Variants in NCOR2 observed in about 807,000 individuals in gnomAD.
NCOR2 encodes the protein CTG repeat protein 26.
Under a neutral mutation model 262.9 loss-of-function variants are expected in NCOR2, and 81 were observed. That is an observed-to-expected ratio of 0.31 (90% CI 0.26 to 0.37). The LOEUF (loss-of-function observed/expected upper bound fraction) is 0.37, where lower values mean the gene tolerates loss of function less well. NCOR2 is among the 10% of genes least tolerant of loss of function. NCOR2 has a pLI of 1.00. For synonymous variants in NCOR2, 1,659 were observed against 1,559.3 expected (o/e 1.06, Z -1.51); for missense variants, 3,385 against 3,621.4 (o/e 0.93, Z 1.68).
chr12:124,525,530 G>A (rs986171460), intron 1 of NCOR2, among the ~76,000 whole-genome samples: 1 of 152,226 alleles, frequency 6.6e-6, no homozygotes. Flanking sequence ...GGAGGAGGCC[G>A]TGGGGACACC....
intron 17 of NCOR2, among the ~76,000 whole-genome samples, chr12:124,380,410 G>A (rs1212027605): frequency 6.6e-6 from 1 of 152,210 alleles, no homozygotes; most frequent in Non-Finnish European, 1.5e-5. Context: ...CCAACAGTCG[G>A]CCAGAGGGCC....
At chr12:124,376,247 C>A (rs2039982650) in intron 18 of NCOR2, among the ~76,000 whole-genome samples, 2 of 152,222 alleles carry the variant, frequency 1.3e-5, no homozygotes, top group South Asian at 2.1e-4. Context: ...CCTCCCCCAC[C>A]CAGCAGAGCA....
At chr12:124,509,187 C>G (rs1246834922) in intron 1 of NCOR2, among the ~76,000 whole-genome samples, 1 of 138,052 alleles carries the variant, frequency 7.2e-6, no homozygotes, top group Non-Finnish European at 1.5e-5. Flanking sequence ...GTCCTGGGGT[C>G]TCAGGGAGGC....
intron 16 of NCOR2, chr12:124,388,877 G>C (rs899285609): frequency 1.3e-5 from 12 of 919,802 alleles, no homozygotes; most frequent in Middle Eastern, 4.6e-4. Flanking sequence ...AGGGAGGGAG[G>C]GAGGGAGGGA....
intron 1 of NCOR2, among the ~76,000 whole-genome samples, chr12:124,522,290 T>C (rs951634037): frequency 6.6e-6 from 1 of 152,252 alleles, no homozygotes; most frequent in African/African-American, 2.4e-5. Flanking sequence ...TGTATTCGTT[T>C]CCTGTGGCTG....
intron 21 of NCOR2, among the ~76,000 whole-genome samples, chr12:124,362,764 G>C (rs1383336307): frequency 6.6e-6 from 1 of 150,780 alleles, no homozygotes; most frequent in South Asian, 2.1e-4. Context: ...TGGTGCACAG[G>C]GGGAGCTCAC....
chr12:124,489,072 A>G (rs2047935200), intron 1 of NCOR2, among the ~76,000 whole-genome samples: 1 of 151,966 alleles, frequency 6.6e-6, no homozygotes, highest in Non-Finnish European at 1.5e-5. Flanking sequence ...GGTTGAGCCC[A>G]GGGACTCCCC....
rs1009383560 is a variant in NCOR2, at chr12:124,549,335, G to A, written c.-164-13724C>T. 6.6e-6 allele frequency among the ~76,000 whole-genome samples: 1 copy of A among 152,312 alleles called. No homozygotes were observed. The highest frequency in any genetic ancestry group is 1.5e-5 in the Non-Finnish European group (1 of 68,028). On this transcript the variant is annotated intron_variant, in intron 1 of 32. Transcript: ENST00000458234. The surrounding 1 kb of genome is among the most constrained non-coding windows in gnomAD (Gnocchi z 4.4). ...TCCCACACTCCCCGCTTGGCCGGGT[G>A]GCCCACTGCCCGTCTGGCTTTCGAG...
At chr12:124,469,666 T>TCAG (rs888637019) in intron 4 of NCOR2, among the ~76,000 whole-genome samples, 20 of 152,296 alleles carry the variant, frequency 1.3e-4, no homozygotes, top group African/African-American at 3.4e-4. Context: ...CTCCCTGACC[T>TCAG]CAGTGTCTAC....
At chr12:124,445,427 G>A (rs1028338695) in intron 7 of NCOR2, among the ~76,000 whole-genome samples, 19 of 152,194 alleles carry the variant, frequency 1.2e-4, no homozygotes, top group South Asian at 4.1e-4. Context: ...CGGCGGAGGC[G>A]GCTACGGGCG....
chr12:124,371,892 C>A (rs1200386191), intron 20 of NCOR2, 130 bp downstream of exon 22: 8 of 926,366 alleles, frequency 8.6e-6, no homozygotes, highest in Admixed American at 3.1e-5. Context: ...TCCAAGTCTG[C>A]CTCCCTAACC....
intron 6 of NCOR2, among the ~76,000 whole-genome samples, chr12:124,453,753 G>T (rs899265670): frequency 2.0e-5 from 3 of 152,230 alleles, no homozygotes; most frequent in African/African-American, 7.2e-5. Context: ...GAGAGGTCGG[G>T]GCTGCTGGGC....
At chr12:124,374,109 G>C (rs960836816) in intron 19 of NCOR2, among the ~76,000 whole-genome samples, 3 of 152,164 alleles carry the variant, frequency 2.0e-5, no homozygotes, top group African/African-American at 4.8e-5. Flanking sequence ...CTGTAAAATG[G>C]GGATACTTGA....
At chr12:124,395,950 C>T (rs376543975) in intron 16 of NCOR2, among the ~76,000 whole-genome samples, 1 of 152,204 alleles carries the variant, frequency 6.6e-6, no homozygotes, top group East Asian at 1.9e-4. Context: ...AAACAACCCA[C>T]ACATCCCCCA....
intron 7 of NCOR2, among the ~76,000 whole-genome samples, chr12:124,441,995 C>T (rs1404126753): frequency 6.6e-6 from 1 of 152,188 alleles, no homozygotes; most frequent in East Asian, 1.9e-4. Flanking sequence ...TAAAGAGACA[C>T]GAGCACAAAT....
At chr12:124,362,448 T>C in intron 21 of NCOR2, 151 bp from the exon 24 acceptor site, 1 of 755,442 alleles carries the variant, frequency 1.3e-6, no homozygotes, top group African/African-American at 1.8e-5. Flanking sequence ...AAGGGAGGTC[T>C]TAGCACAGAG....
chr12:124,479,474 C>T (rs1457908725), intron 3 of NCOR2, among the ~76,000 whole-genome samples: 2 of 141,284 alleles, frequency 1.4e-5, no homozygotes, highest in African/African-American at 5.0e-5. Context: ...CACACAAACA[C>T]GCAGGGACAC....
At chr12:124,354,406 T>C (rs963332346) in intron 26 of NCOR2, 72 bp downstream of exon 28, 11 of 1,356,152 alleles carry the variant, frequency 8.1e-6, no homozygotes, top group Non-Finnish European at 7.8e-6. Flanking sequence ...CAGCAGGTTT[T>C]GAATAAAGGG....
rs1407466609 is a variant in NCOR2 at position 124,440,059 on chromosome 12, G to C, written c.816-2063C>G. ...CACACAAAGCAGGGTGCTGCAGCTG[G>C]CCTCCCAGGGCCTGGGGGGCCACAG... On this transcript the variant is annotated intron_variant, in intron 7 of 46. Coordinates refer to ENST00000405201, the Ensembl canonical transcript of NCOR2. The surrounding 1 kb of genome is among the most constrained non-coding windows in gnomAD (Gnocchi z 5.7). 6.6e-6 allele frequency among the ~76,000 whole-genome samples: 1 copy of C among 151,972 alleles called. No homozygotes were observed. Among genetic ancestry groups the C allele is most frequent in the Non-Finnish European group, 1.5e-5 (1 of 67,990 alleles).
Sources: allele counts gnomAD v4.1 joint callset (sites outside exome capture counted in the v4.1 genomes callset), GRCh38; gene constraint gnomAD v4.1.1; non-coding constraint Gnocchi (gnomAD v3.1); transcripts MANE v1.5; gene names NCBI Gene and HGNC (gene_info 2026-07-23, HGNC 2026-07-21).